The following ZFP91 variants were observed in gnomAD, a reference collection of about 807,000 sequenced individuals.
ZFP91 encodes the protein E3 ubiquitin-protein ligase ZFP91.
ZFP91 carries 7 observed loss-of-function variants against 63.5 expected under a neutral mutation model. That is an observed-to-expected ratio of 0.11 (90% CI 0.06 to 0.21). The LOEUF (loss-of-function observed/expected upper bound fraction) is 0.21, where lower values mean the gene tolerates loss of function less well. ZFP91 is among the 10% of genes least tolerant of loss of function. The pLI is 1.00. For synonymous variants in ZFP91, 330 were observed against 272.1 expected, an observed-to-expected ratio of 1.21 and a Z score of -2.10; for missense variants, 628 against 736.6, an observed-to-expected ratio of 0.85 and a Z score of 1.71.
intron 2 of ZFP91, among the ~76,000 whole-genome samples, chr11:58,600,002 T>C (rs781168267): frequency 2.6e-4 from 40 of 152,150 alleles, no homozygotes; most frequent in Admixed American, 1.6e-3. Flanking sequence ...CACAGATGTA[T>C]AGATTTATAT....
rs570278763 is a variant in ZFP91 at position 58,579,464 on chromosome 11, G to GGCC, written c.195_197dup (p.Ala67dup). 1.2e-4 allele frequency: 169 copies of GGCC among 1,461,056 alleles called. 2 individuals carry two copies. The African/African-American group carries it at 2.0e-3, about 17-fold the overall frequency. 90.5% of individuals were successfully genotyped at this position (1,461,056 alleles called of 1,614,324 possible). On this transcript the variant is annotated inframe_insertion, in exon 1 of 11. Transcript: ENST00000316059. ...GTCGGGACCGAGGCCGGGCCGCTGC[G>GGCC]GCCGCCGCCGCCGCAGCTGTGTCCC...
intron 2 of ZFP91, among the ~76,000 whole-genome samples, chr11:58,598,058 C>T (rs1855431458): frequency 6.6e-6 from 1 of 152,108 alleles, no homozygotes; most frequent in African/African-American, 2.4e-5. Flanking sequence ...TAAGCAGATA[C>T]TTGAAACAGC....
rs374978333 is a variant in ZFP91, at chr11:58,610,049, A to C, written c.580+10A>C. 6.2e-7 allele frequency: 1 copy of C among 1,613,642 alleles called. No homozygotes were observed. The highest frequency in any genetic ancestry group is 1.3e-5 in the African/African-American group (1 of 74,922). ...GACCAACTTGATTATGGTACAGTGCAACTAGAATATGGCTGTTTACTAACT... is the reference window on the plus strand; with the variant it reads ...GACCAACTTGATTATGGTACAGTGCCACTAGAATATGGCTGTTTACTAACT... On this transcript the variant is annotated intron_variant, in intron 3 of 10. Coordinates refer to ENST00000316059, the MANE Select transcript of ZFP91 (RefSeq NM_053023.5).
chr11:58,617,441 T>A lies in ZFP91; in HGVS notation c.1448T>A (p.Leu483Gln), dbSNP rs1356567286. 1 of 1,613,916 alleles carries A rather than the reference T, an allele frequency of 6.2e-7. No individual in the cohort carries two copies. The highest frequency in any genetic ancestry group is 8.5e-7 in the Non-Finnish European group (1 of 1,179,964). ...ATCTTGGGCACTAACCCAGAGTCCC[T>A]GACGCAGCCTTCAGATGGTCAGGGT... ...TDILGTNPESLTQPSDGQGLP... is the reference protein window; with the variant it reads ...TDILGTNPESQTQPSDGQGLP... The change falls in exon 11 of 11, where the codon CTG (leucine) becomes CAG (glutamine). Residue 483 changes from leucine (L) to glutamine (Q), a missense_variant. Leu to Gln is a moderately radical substitution (Grantham distance 113). Coordinates refer to ENST00000316059, the MANE Select transcript of ZFP91 (RefSeq NM_053023.5). This position sits in a 1 kb window ranked among gnomAD's most constrained non-coding sequence, Gnocchi z 4.2.
At chr11:58,616,860 G>A in intron 10 of ZFP91, 45 bp downstream of exon 10, 1 of 1,569,630 alleles carries the variant, frequency 6.4e-7, no homozygotes, top group South Asian at 1.1e-5. Context: ...AAGGATATAT[G>A]CCCTACTTGA....
Position 58,579,293 on chromosome 11 carries a change from G to A in ZFP91, c.12G>A (p.Glu4=), listed in dbSNP as rs940758410. The change falls in exon 1 of 11, where the codon GAG becomes GAA. Residue 4 remains glutamate (E), a synonymous_variant. Transcript: ENST00000316059. MPG[E]TEEPRPPEQQ... is the part of the protein sequence containing the mutation. ...ACGGACAAGCCCCGATGCCGGGGGA[G>A]ACGGAAGAGCCGAGACCCCCGGAGC... 1.4e-6 allele frequency: 2 copies of A among 1,463,182 alleles called. No individual in the cohort carries two copies. The highest frequency in any genetic ancestry group is 5.4e-5 in the Admixed American group (2 of 36,736). The allele number at this position is 1,463,182 out of a possible 1,614,324, so 90.6% of individuals were successfully genotyped here.
chr11:58,588,878 C>T (rs975448428), intron 2 of ZFP91, among the ~76,000 whole-genome samples: 1 of 151,968 alleles, frequency 6.6e-6, no homozygotes, highest in African/African-American at 2.4e-5. Context: ...AAGGAAGAAT[C>T]GAGAAGATAC....
chr11:58,594,368 C>G (rs1171022338), intron 2 of ZFP91, among the ~76,000 whole-genome samples: 3 of 152,130 alleles, frequency 2.0e-5, no homozygotes, highest in African/African-American at 7.2e-5. Context: ...AAATGTTGAG[C>G]TAATTCTTAG....
rs1252765294 is a variant in ZFP91 at position 58,620,843 on chromosome 11, G to A, written c.*3137G>A. On this transcript the variant is annotated 3_prime_UTR_variant, in exon 11 of 11. Coordinates refer to ENST00000316059, the MANE Select transcript of ZFP91 (RefSeq NM_053023.5). The stretch of plus-strand genomic sequence containing the variant: ...ATTTTATTTCTTAAAAGCCTTTTTT[G>A]CCTGTTGTAATGTGCAGGACCCTTC... The A allele has an allele frequency of 6.6e-6, 1 of 152,086 alleles. No homozygotes were observed. Among genetic ancestry groups the A allele is most frequent in the African/African-American group, 2.4e-5 (1 of 41,290 alleles). 9.4% of individuals were successfully genotyped at this position (152,086 alleles called of 1,614,324 possible).
chr11:58,618,559 T>C lies in ZFP91; in HGVS notation c.*853T>C. 2.5e-6 allele frequency: 1 copy of C among 407,602 alleles called. No homozygotes were observed. The highest frequency in any genetic ancestry group is 4.8e-6 in the Non-Finnish European group (1 of 209,240). 25.2% of individuals were successfully genotyped at this position (407,602 alleles called of 1,614,324 possible). ...GTTGTGGAACCTGAGATTCCTTATTTATTAACAGGAAGTCTGATTTTTTTT... is the reference window on the plus strand; with the variant it reads ...GTTGTGGAACCTGAGATTCCTTATTCATTAACAGGAAGTCTGATTTTTTTT... On this transcript the variant is annotated 3_prime_UTR_variant, in exon 11 of 11. Transcript: ENST00000316059.
intron 1 of ZFP91, among the ~76,000 whole-genome samples, chr11:58,582,434 C>T (rs571403644): frequency 1.3e-5 from 2 of 152,208 alleles, no homozygotes; most frequent in Non-Finnish European, 1.5e-5. Flanking sequence ...TCGCGCTAGT[C>T]CTTTTTCCAT....
chr11:58,582,311 A>C (rs1855131542), intron 1 of ZFP91, among the ~76,000 whole-genome samples: 2 of 152,212 alleles, frequency 1.3e-5, no homozygotes, highest in African/African-American at 4.8e-5. Flanking sequence ...ATATTTCAAG[A>C]GGTTTTGAGT....
rs1308332643 is a variant in ZFP91, at chr11:58,579,073, C to CGG, written c.-208_-207insGG. ...GCCCGCTGAGCGTCTGTGGCGCGCGCGCGCGCGCCGCCAGCGGTAGCGGAC... is the reference window on the plus strand; with the variant it reads ...GCCCGCTGAGCGTCTGTGGCGCGCGCGGGCGCGCGCCGCCAGCGGTAGCGGAC... On this transcript the variant is annotated 5_prime_UTR_variant, in exon 1 of 11. Transcript: ENST00000316059. The CGG allele has an allele frequency of 5.5e-6, 2 of 361,000 alleles. No homozygotes were observed. Among genetic ancestry groups the CGG allele is most frequent in the East Asian group, 4.3e-5 (1 of 23,226 alleles). The allele number at this position is 361,000 out of a possible 1,614,324, so 22.4% of individuals were successfully genotyped here. A position where few individuals can be genotyped will look rare whatever the true frequency, so the allele number is the denominator to read the frequency against.
At chr11:58,612,204 T>G in intron 6 of ZFP91, 74 bp from the exon 7 acceptor site, 2 of 1,440,590 alleles carry the variant, frequency 1.4e-6, no homozygotes, top group Non-Finnish European at 1.9e-6. Context: ...TGTGTGTGTG[T>G]GTGTCTTCAG....
intron 2 of ZFP91, among the ~76,000 whole-genome samples, chr11:58,602,866 A>G (rs1395626741): frequency 2.6e-5 from 4 of 152,206 alleles, no homozygotes; most frequent in East Asian, 1.9e-4. Context: ...AATCCCAGCT[A>G]TACTCGGGAG....
intron 6 of ZFP91, chr11:58,612,055 A>G: frequency 1.8e-6 from 1 of 563,906 alleles, no homozygotes; most frequent in Non-Finnish European, 3.1e-6. Context: ...TAGTTTATGG[A>G]AGGTATATAT....
chr11:58,595,641 G>A (rs975403127), intron 2 of ZFP91, among the ~76,000 whole-genome samples: 3 of 150,456 alleles, frequency 2.0e-5, no homozygotes, highest in East Asian at 2.0e-4. Context: ...GCAGTGGTGC[G>A]ATCTCAACTC....
At chr11:58,611,136 C>T (rs1855654765) in intron 5 of ZFP91, 82 bp downstream of exon 5, 1 of 1,219,292 alleles carries the variant, frequency 8.2e-7, no homozygotes, top group South Asian at 1.3e-5. Flanking sequence ...TTATCTGTTG[C>T]CAAGCTAATG....
At chr11:58,613,882 C>G (rs1304269553) in intron 8 of ZFP91, among the ~76,000 whole-genome samples, 1 of 152,170 alleles carries the variant, frequency 6.6e-6, no homozygotes, top group Non-Finnish European at 1.5e-5. Flanking sequence ...CGCTCCTCCT[C>G]TGCTGTGTGC....
Sources: gnomAD v4.1 joint callset for allele counts (sites outside exome capture counted in the v4.1 genomes callset) on GRCh38, gnomAD v4.1.1 for gene constraint, Gnocchi (gnomAD v3.1) non-coding constraint, MANE v1.5 for transcripts, NCBI Gene and HGNC (gene_info 2026-07-23, HGNC 2026-07-21) for gene names.